MARCHF3: variants seen among roughly 807,000 people sequenced by gnomAD.
MARCHF3 encodes E3 ubiquitin-protein ligase MARCHF3.
In MARCHF3, 13 loss-of-function variants were observed where a neutral mutation model predicts 24.2. The observed-to-expected ratio is 0.54, with a 90% confidence interval of 0.35 to 0.85. MARCHF3 has a LOEUF of 0.85. Ranked by LOEUF, MARCHF3 falls within the 40% of genes least tolerant of loss-of-function variation. MARCHF3 has a pLI of 0.01. For synonymous variants in MARCHF3, 144 were observed against 137.3 expected, an observed-to-expected ratio of 1.05 and a Z score of -0.34; for missense variants, 276 against 325.0, an observed-to-expected ratio of 0.85 and a Z score of 1.16.
intron 4 of MARCHF3, among the ~76,000 whole-genome samples, chr5:126,875,566 A>G (rs1753119592): frequency 6.6e-6 from 1 of 152,238 alleles, no homozygotes; most frequent in Admixed American, 6.5e-5. Flanking sequence ...CAGCTTCTGA[A>G]TTACGGCTCT....
At chr5:126,968,954 G>C (rs1750906937) in intron 1 of MARCHF3, among the ~76,000 whole-genome samples, 1 of 152,018 alleles carries the variant, frequency 6.6e-6, no homozygotes, top group African/African-American at 2.4e-5. Context: ...CCATCCTATG[G>C]GCTGTGTTTT....
At chr5:126,910,440 G>A (rs564861213) in intron 3 of MARCHF3, among the ~76,000 whole-genome samples, 2 of 152,222 alleles carry the variant, frequency 1.3e-5, no homozygotes, top group Admixed American at 6.5e-5. Flanking sequence ...ATTTTTATGT[G>A]TTACCTCTGC....
At chr5:126,963,396 T>C (rs1449819556) in intron 1 of MARCHF3, among the ~76,000 whole-genome samples, 2 of 152,198 alleles carry the variant, frequency 1.3e-5, no homozygotes, top group Admixed American at 1.3e-4. Flanking sequence ...AATACCCATT[T>C]AAACCAAAAT....
chr5:126,918,010 T>C lies in MARCHF3; in HGVS notation c.162A>G (p.Thr54=), dbSNP rs202148675. ...TCTGGGTGGCAAGAGTCCGCACTAC[T>C]GTTGACAGCAGCTGCCCGTCCTTGG... ...VSAKDGQLLS[T]VVRTLATQSP... Residue 54 remains threonine (T), a synonymous_variant, in exon 2 of 5, where the codon ACA becomes ACG. Transcript: ENST00000308660. The C allele has an allele frequency of 1.3e-4, 215 of 1,614,182 alleles. 2 individuals carry two copies. The highest frequency in any genetic ancestry group is 1.3e-3 in the Admixed American group (79 of 60,028).
chr5:126,973,228 G>A (rs968782274), intron 1 of MARCHF3, among the ~76,000 whole-genome samples: 6 of 152,176 alleles, frequency 3.9e-5, no homozygotes, highest in African/African-American at 2.4e-5. Context: ...AATTCCAAAC[G>A]CCCTTCTAAA....
intron 1 of MARCHF3, among the ~76,000 whole-genome samples, chr5:126,967,624 C>T (rs540671522): frequency 1.3e-5 from 2 of 152,052 alleles, no homozygotes; most frequent in African/African-American, 4.8e-5. Flanking sequence ...ACCCAGGAGG[C>T]GGAGGTTGCA....
intron 1 of MARCHF3, among the ~76,000 whole-genome samples, chr5:127,023,558 C>T (rs1752883347): frequency 2.0e-5 from 3 of 151,694 alleles, no homozygotes; most frequent in Admixed American, 1.3e-4. Flanking sequence ...TGGCGAAACC[C>T]GATTTCTACT....
At chr5:126,990,973 T>G (rs1205274452) in intron 1 of MARCHF3, among the ~76,000 whole-genome samples, 1 of 151,968 alleles carries the variant, frequency 6.6e-6, no homozygotes, top group African/African-American at 2.4e-5. Context: ...GTTCAACCAC[T>G]GTGGAAGACA....
chr5:126,897,327 C>A (rs1753957637), intron 3 of MARCHF3, among the ~76,000 whole-genome samples: 1 of 151,934 alleles, frequency 6.6e-6, no homozygotes, highest in South Asian at 2.1e-4. Context: ...GCATGAGCCA[C>A]CGCCCCTGGC....
At chr5:126,999,744 C>G (rs752228214) in intron 1 of MARCHF3, among the ~76,000 whole-genome samples, 1 of 152,088 alleles carries the variant, frequency 6.6e-6, no homozygotes, top group African/African-American at 2.4e-5. Context: ...CAATGAACAC[C>G]GATTATTATA....
intron 1 of MARCHF3, among the ~76,000 whole-genome samples, chr5:126,932,739 G>C (rs1017363096): frequency 6.6e-6 from 1 of 152,130 alleles, no homozygotes; most frequent in Non-Finnish European, 1.5e-5. Context: ...AAAATACGGG[G>C]CTCTGGGGAG....
intron 1 of MARCHF3, among the ~76,000 whole-genome samples, chr5:126,948,253 C>T (rs1332564041): frequency 6.6e-6 from 1 of 152,120 alleles, no homozygotes; most frequent in Non-Finnish European, 1.5e-5. Flanking sequence ...CCAGAAACCC[C>T]GAGTGTACCA....
chr5:126,879,423 C>T (rs1404273940), intron 3 of MARCHF3, among the ~76,000 whole-genome samples: 1 of 152,182 alleles, frequency 6.6e-6, no homozygotes, highest in East Asian at 1.9e-4. Context: ...CCACTCTTGG[C>T]TTTTGGATCC....
At chr5:127,010,622 T>A (rs975745320) in intron 1 of MARCHF3, among the ~76,000 whole-genome samples, 1 of 152,174 alleles carries the variant, frequency 6.6e-6, no homozygotes, top group Non-Finnish European at 1.5e-5. Context: ...CCCAACACAC[T>A]ATCCCTGGAT....
intron 1 of MARCHF3, among the ~76,000 whole-genome samples, chr5:126,923,913 A>C (rs2126799358): frequency 6.6e-6 from 1 of 152,260 alleles, no homozygotes; most frequent in East Asian, 1.9e-4. Context: ...TCAAAGAAGC[A>C]AATTCATTTA....
rs555859309 is a variant in MARCHF3, at chr5:126,966,271, G to A, written c.-56-48044C>T. Among the ~76,000 whole-genome samples the A allele has an allele frequency of 2.0e-5, 3 of 152,232 alleles. No individual in the cohort carries two copies. In the South Asian group the frequency reaches 6.2e-4, roughly 32 times the overall value. On this transcript the variant is annotated intron_variant, in intron 1 of 4. Coordinates refer to ENST00000308660, the MANE Select transcript of MARCHF3 (RefSeq NM_178450.5). ...ATATATTTATTGGGATGATGGTTAC[G>A]CAGGTGTATACATTTGTCAAAAGCA...
At chr5:126,920,265 G>T (rs10079212) in intron 1 of MARCHF3, among the ~76,000 whole-genome samples, 5,254 of 151,980 alleles carry the variant, frequency 0.035, 320 homozygotes, top group African/African-American at 0.12. Flanking sequence ...ACTGAGTTAT[G>T]GTAGCTTTCA....
chr5:126,967,697 C>A (rs1309987772), intron 1 of MARCHF3, among the ~76,000 whole-genome samples: 1 of 151,962 alleles, frequency 6.6e-6, no homozygotes, highest in Non-Finnish European at 1.5e-5. Flanking sequence ...CTGTCTCAAA[C>A]ATTTTGTCAG....
intron 1 of MARCHF3, 107 bp downstream of exon 1, chr5:127,030,243 T>A (rs984260309): frequency 2.0e-5 from 3 of 152,032 alleles, no homozygotes; most frequent in African/African-American, 7.3e-5. Context: ...CCCACAGCGG[T>A]CACGCTCGGA....
Sources: allele counts gnomAD v4.1 joint callset (sites outside exome capture counted in the v4.1 genomes callset), GRCh38; gene constraint gnomAD v4.1.1; transcripts MANE v1.5; gene names NCBI Gene and HGNC (gene_info 2026-07-23, HGNC 2026-07-21).